The following PDE4B variants were observed in gnomAD, a reference collection of about 807,000 sequenced individuals.
The protein encoded by PDE4B is phosphodiesterase 4B, also known as 3',5'-cyclic-AMP phosphodiesterase 4B.
A neutral mutation model predicts 82.2 loss-of-function variants in PDE4B; 20 were observed. The observed-to-expected ratio is 0.24, with a 90% CI of 0.17 to 0.35. PDE4B has a LOEUF of 0.35. PDE4B is among the 10% of genes least tolerant of loss of function. The probability of loss-of-function intolerance (pLI) is 1.00; values close to 1 mark genes in which losing one functional copy is unlikely to be tolerated. For missense variants in PDE4B, 655 were observed against 907.2 expected (o/e 0.72, Z 3.57); for synonymous variants, 320 against 318.9 (o/e 1.00, Z -0.04).
chr1:66,332,380 C>T (rs868415620), intron 7 of PDE4B, 128 bp from the exon 8 acceptor site: 5 of 1,612,952 alleles, frequency 3.1e-6, no homozygotes, highest in Admixed American at 1.7e-5. Context: ...AAGGAGCCAG[C>T]GTGCAAATAA....
At chr1:66,305,169 G>A (rs1419120796) in intron 7 of PDE4B, among the ~76,000 whole-genome samples, 1 of 152,142 alleles carries the variant, frequency 6.6e-6, no homozygotes, top group East Asian at 1.9e-4. Flanking sequence ...GGAGGGATAA[G>A]GAAGTGCTGT....
chr1:66,145,974 T>C (rs763030090), intron 3 of PDE4B, among the ~76,000 whole-genome samples: 2 of 152,212 alleles, frequency 1.3e-5, no homozygotes, highest in Non-Finnish European at 2.9e-5. Context: ...ATGACTGCAA[T>C]ATTTGCTTCG....
chr1:66,162,616 T>C (rs565998361), intron 3 of PDE4B, among the ~76,000 whole-genome samples: 3 of 152,074 alleles, frequency 2.0e-5, no homozygotes, highest in Admixed American at 6.5e-5. Context: ...TTTTCAGGTA[T>C]TGGAATATTT....
At chr1:66,077,628 C>A (rs752463899) in intron 3 of PDE4B, among the ~76,000 whole-genome samples, 4 of 152,086 alleles carry the variant, frequency 2.6e-5, no homozygotes, top group Non-Finnish European at 4.4e-5. Context: ...GTCTGCCCTG[C>A]AATAGTAAGA....
At chr1:66,002,935 T>C (rs1447603505) in intron 3 of PDE4B, among the ~76,000 whole-genome samples, 1 of 152,206 alleles carries the variant, frequency 6.6e-6, no homozygotes, top group Non-Finnish European at 1.5e-5. Flanking sequence ...TGTATTAAAG[T>C]ACTTAGAACA....
At chr1:65,809,723 G>A (rs1386021616) in intron 1 of PDE4B, among the ~76,000 whole-genome samples, 1 of 152,130 alleles carries the variant, frequency 6.6e-6, no homozygotes, top group Non-Finnish European at 1.5e-5. Flanking sequence ...TTCTGAAATA[G>A]CATTTATTAT....
chr1:65,800,145 A>C (rs1192534462), intron 1 of PDE4B, among the ~76,000 whole-genome samples: 4 of 152,246 alleles, frequency 2.6e-5, no homozygotes, highest in African/African-American at 9.6e-5. Context: ...ATTAAAAAAA[A>C]TTAAAACCAT....
intron 3 of PDE4B, among the ~76,000 whole-genome samples, chr1:66,058,113 C>T (rs1655395612): frequency 1.3e-5 from 2 of 152,144 alleles, no homozygotes; most frequent in Admixed American, 6.5e-5. Context: ...TTGGCCAAAA[C>T]AGAGGGGCTA....
intron 3 of PDE4B, among the ~76,000 whole-genome samples, chr1:66,085,899 C>T (rs190643522): frequency 2.0e-5 from 3 of 152,144 alleles, no homozygotes; most frequent in East Asian, 1.9e-4. Context: ...GCTCATCCCA[C>T]GCTGCTGCTT....
Position 65,811,117 on chromosome 1 carries a change from A to G in PDE4B, c.-71+17869A>G, listed in dbSNP as rs1645814604. Among the ~76,000 whole-genome samples the G allele has an allele frequency of 2.6e-5, 4 of 152,226 alleles. No individual in the cohort carries two copies. In the South Asian group the frequency reaches 8.3e-4, roughly 32 times the overall value. On this transcript the variant is annotated intron_variant, in intron 1 of 16. Transcript: ENST00000341517. ...CATTATCAAATATCTTTTGTCAGAG[A>G]GGAAATCACCTGAAGTTGAAAACTA...
chr1:66,316,706 A>G (rs1659053698), intron 7 of PDE4B, among the ~76,000 whole-genome samples: 1 of 152,250 alleles, frequency 6.6e-6, no homozygotes, highest in South Asian at 2.1e-4. Context: ...ATTATACTGC[A>G]TTAGACACTG....
intron 3 of PDE4B, among the ~76,000 whole-genome samples, chr1:66,198,034 C>T (rs1648486866): frequency 6.6e-6 from 1 of 152,122 alleles, no homozygotes; most frequent in South Asian, 2.1e-4. Flanking sequence ...AAGTCCATGA[C>T]TGCTACAAGT....
At chr1:66,279,632 C>G (rs1283121518) in intron 7 of PDE4B, among the ~76,000 whole-genome samples, 1 of 151,866 alleles carries the variant, frequency 6.6e-6, no homozygotes, top group Non-Finnish European at 1.5e-5. Flanking sequence ...AAGTAAGATA[C>G]ATCAAGATAG....
intron 3 of PDE4B, among the ~76,000 whole-genome samples, chr1:65,926,764 G>A (rs184991385): frequency 8.7e-4 from 129 of 147,684 alleles, no homozygotes; most frequent in South Asian, 2.8e-3. Context: ...AATTATCCAC[G>A]GATGAGGATA....
Position 65,918,785 on chromosome 1 carries a change from G to T in PDE4B, c.231G>T (p.Leu77=). 6.2e-7 allele frequency: 1 copy of T among 1,614,036 alleles called. No individual in the cohort carries two copies. Among genetic ancestry groups the T allele is most frequent in the Non-Finnish European group, 8.5e-7 (1 of 1,179,868 alleles). Residue 77 remains leucine, a synonymous_variant, in exon 3 of 17, where the codon CTG becomes CTT. Transcript: ENST00000341517. ...EGDGISRPTT[L]PLTTLPSIAI... ...ATGGTATTTCCAGGCCGACCACACTGCCTTTGACAACGCTTCCAAGCATTG... is the reference window on the plus strand; with the variant it reads ...ATGGTATTTCCAGGCCGACCACACTTCCTTTGACAACGCTTCCAAGCATTG...
intron 3 of PDE4B, among the ~76,000 whole-genome samples, chr1:66,213,466 C>T (rs6700971): frequency 0.49 from 74,032 of 151,944 alleles, 19,141 homozygotes; most frequent in South Asian, 0.63. Flanking sequence ...ATACCTATAG[C>T]ATTTCTGTCT....
chr1:66,207,664 A>G (rs1345794752), intron 3 of PDE4B, among the ~76,000 whole-genome samples: 2 of 152,192 alleles, frequency 1.3e-5, no homozygotes, highest in Non-Finnish European at 1.5e-5. Flanking sequence ...GGGGAAAAAA[A>G]CTATTCTAGG....
At chr1:66,093,475 T>C (rs1369126792) in intron 3 of PDE4B, among the ~76,000 whole-genome samples, 1 of 150,816 alleles carries the variant, frequency 6.6e-6, no homozygotes, top group Non-Finnish European at 1.5e-5. Flanking sequence ...AAAATTGTGC[T>C]TTTTTTTCAG....
At chr1:66,291,917 G>A (rs1570636553) in intron 7 of PDE4B, among the ~76,000 whole-genome samples, 1 of 152,108 alleles carries the variant, frequency 6.6e-6, no homozygotes, top group East Asian at 1.9e-4. Context: ...CTACTTTTAG[G>A]TGGTTGTAGC....
Sources: gnomAD v4.1 joint callset for allele counts (sites outside exome capture counted in the v4.1 genomes callset) on GRCh38, gnomAD v4.1.1 for gene constraint, MANE v1.5 for transcripts, NCBI Gene and HGNC (gene_info 2026-07-23, HGNC 2026-07-21) for gene names.